The following ALG9 variants were observed in gnomAD, a reference collection of about 807,000 sequenced individuals.
ALG9 encodes ALG9 alpha-1,2-mannosyltransferase.
ALG9 carries 55 observed loss-of-function variants against 81.8 expected under a neutral mutation model. The observed-to-expected ratio is 0.67, with a 90% confidence interval of 0.54 to 0.84. The LOEUF (loss-of-function observed/expected upper bound fraction) is 0.84, where lower values mean the gene tolerates loss of function less well. Among genes scored for constraint, ALG9 ranks in the 40% least tolerant of loss-of-function variants. The pLI is 0.00. For missense variants in ALG9, 629 were observed against 745.0 expected, an observed-to-expected ratio of 0.84 and a Z score of 1.81; for synonymous variants, 278 against 274.3, an observed-to-expected ratio of 1.01 and a Z score of -0.13.
chr11:111,852,086 G>A (rs1957917136), intron 8 of ALG9, among the ~76,000 whole-genome samples: 1 of 151,994 alleles, frequency 6.6e-6, no homozygotes, highest in African/African-American at 2.4e-5. Context: ...CAATCTGTTG[G>A]TTCTATTGGC....
chr11:111,812,704 G>A (rs1950898606), intron 13 of ALG9, among the ~76,000 whole-genome samples: 1 of 152,032 alleles, frequency 6.6e-6, no homozygotes, highest in African/African-American at 2.4e-5. Flanking sequence ...ATCGCCTGAG[G>A]TCAGGAGTTT....
intron 4 of ALG9, among the ~76,000 whole-genome samples, chr11:111,862,558 T>TTCTA: frequency 6.6e-6 from 1 of 152,034 alleles, no homozygotes; most frequent in South Asian, 2.1e-4. Context: ...TCTTAACCTT[T>TTCTA]TCTATATTAC....
intron 9 of ALG9, among the ~76,000 whole-genome samples, chr11:111,841,830 T>A (rs1311262505): frequency 6.6e-6 from 1 of 152,214 alleles, no homozygotes; most frequent in Non-Finnish European, 1.5e-5. Flanking sequence ...CTCTAAGACA[T>A]TATGGGATTT....
intron 9 of ALG9, among the ~76,000 whole-genome samples, chr11:111,843,957 T>C (rs558215903): frequency 5.9e-5 from 9 of 152,218 alleles, no homozygotes; most frequent in Non-Finnish European, 8.8e-5. Flanking sequence ...CCTATCAGGT[T>C]AATATACACT....
In ALG9 at chr11:111,836,259, C is replaced by G. The variant is rs782639398; in HGVS notation, c.1508G>C (p.Gly503Ala). ...QLQFIPSEFR[G>A]QLPKPFAEGP... ...TTCTGCAAAAGGTTTTGGTAACTGACCTCTGAACTCTGATGGAATGAACTG... is the reference window on the plus strand; with the variant it reads ...TTCTGCAAAAGGTTTTGGTAACTGAGCTCTGAACTCTGATGGAATGAACTG... Residue 503 changes from glycine to alanine, a missense_variant, in exon 13 of 15, where the codon GGT (glycine) becomes GCT (alanine). Gly to Ala is a moderately conservative substitution (Grantham distance 60). Around this residue, in one of 3 missense-constraint regions of ALG9, gnomAD observed 264 missense variants for 302.2 expected, o/e 0.87. Coordinates refer to ENST00000616540, the MANE Select transcript of ALG9 (RefSeq NM_024740.2). 16 of 1,613,928 alleles carry G rather than the reference C, an allele frequency of 9.9e-6. No homozygotes were observed. Among genetic ancestry groups the G allele is most frequent in the African/African-American group, 1.3e-5 (1 of 74,892 alleles).
chr11:111,867,052 A>G (rs571963028), intron 3 of ALG9, among the ~76,000 whole-genome samples: 1 of 152,330 alleles, frequency 6.6e-6, no homozygotes, highest in East Asian at 1.9e-4. Flanking sequence ...CCGAGATCAC[A>G]TCACTGCACT....
At chr11:111,852,996 T>C (rs1326191003) in intron 8 of ALG9, among the ~76,000 whole-genome samples, 5 of 149,946 alleles carry the variant, frequency 3.3e-5, no homozygotes, top group Non-Finnish European at 4.4e-5. Context: ...GTAATAGTTA[T>C]ATGGAGATGA....
intron 2 of ALG9, among the ~76,000 whole-genome samples, chr11:111,869,776 C>G (rs1963676699): frequency 6.6e-6 from 1 of 152,162 alleles, no homozygotes; most frequent in Non-Finnish European, 1.5e-5. Context: ...TCGCTTGAGC[C>G]TAGGAGTTAA....
intron 14 of ALG9, among the ~76,000 whole-genome samples, chr11:111,807,435 C>T (rs1369076528): frequency 1.3e-5 from 2 of 152,174 alleles, no homozygotes; most frequent in Admixed American, 1.3e-4. Flanking sequence ...ATCATCTTTT[C>T]ATTGAGGCCG....
At chr11:111,773,992 T>C in the ALG9 span, among the ~76,000 whole-genome samples, 13 of 143,714 alleles carry the variant, frequency 9.0e-5, no homozygotes, top group African/African-American at 3.4e-4. Context: ...CCTGGGCTTG[T>C]CAAGCAATCA....
chr11:111,805,306 G>A (rs1449314731), intron 14 of ALG9: 2 of 456,284 alleles, frequency 4.4e-6, no homozygotes, highest in Non-Finnish European at 8.8e-6. Context: ...TGGTCTTCCA[G>A]CCTTCAAAAC....
At position 111,870,381 on chromosome 11, in the gene ALG9, G is replaced by GAAA; in HGVS notation, c.132-12_132-11insTTT. 1.7e-6 allele frequency: 1 copy of GAAA among 575,886 alleles called. No individual in the cohort carries two copies. 35.7% of individuals were successfully genotyped at this position (575,886 alleles called of 1,614,324 possible). On this transcript the variant is annotated splice_polypyrimidine_tract_variant and intron_variant, in intron 1 of 14. Coordinates refer to ENST00000616540, the MANE Select transcript of ALG9 (RefSeq NM_024740.2). ...TTGTTCCCAGATAACCTGTTCAAAAGCAAAAAAAAAAAAAAAAAAAAAAGC... is the reference window on the plus strand; with the variant it reads ...TTGTTCCCAGATAACCTGTTCAAAAGAAACAAAAAAAAAAAAAAAAAAAAAAGC...
chr11:111,864,349 T>C, intron 4 of ALG9: 1 of 773,716 alleles, frequency 1.3e-6, no homozygotes, highest in Non-Finnish European at 2.4e-6. Flanking sequence ...CCCAGGCAGC[T>C]GCAGACTTCA....
Position 111,837,575 on chromosome 11 carries a change from T to G in ALG9, c.1365A>C (p.Arg455=), listed in dbSNP as rs1057522937. The change falls in exon 12 of 15, where the codon CGA becomes CGC. Residue 455 remains arginine (R), a synonymous_variant. Transcript: ENST00000616540. ...GPLDLYPEFY[R]IATDPTIHTV... ...TGTGGATGGTTGGGTCTGTAGCAAT[T>G]CGGTAAAATTCTGGATACAAATCAA... 11 of 1,614,006 alleles carry G rather than the reference T, an allele frequency of 6.8e-6. No individual in the cohort carries two copies. Among genetic ancestry groups the G allele is most frequent in the Non-Finnish European group, 9.3e-6 (11 of 1,180,006 alleles).
chr11:111,863,376 A>G (rs901457051), intron 4 of ALG9, among the ~76,000 whole-genome samples: 14 of 152,164 alleles, frequency 9.2e-5, no homozygotes, highest in African/African-American at 2.7e-4. Context: ...AAAATATATT[A>G]AAGTAAATTC....
At chr11:111,816,021 C>T (rs938582600) in intron 13 of ALG9, among the ~76,000 whole-genome samples, 3 of 152,236 alleles carry the variant, frequency 2.0e-5, no homozygotes, top group Non-Finnish European at 4.4e-5. Flanking sequence ...AAGCAATGAA[C>T]TAGCAGTATC....
chr11:111,847,821 C>T (rs1159257808), intron 8 of ALG9, among the ~76,000 whole-genome samples: 1 of 152,160 alleles, frequency 6.6e-6, no homozygotes, highest in Non-Finnish European at 1.5e-5. Flanking sequence ...TGCCAGTGTG[C>T]ACGTCACTCT....
At chr11:111,835,704 C>T (rs183905872) in intron 13 of ALG9, among the ~76,000 whole-genome samples, 77 of 152,204 alleles carry the variant, frequency 5.1e-4, no homozygotes, top group African/African-American at 1.7e-3. Flanking sequence ...AAAAGTGATA[C>T]TGTTTACTGT....
intron 14 of ALG9, among the ~76,000 whole-genome samples, chr11:111,789,539 C>T (rs1445044692): frequency 2.6e-5 from 4 of 151,292 alleles, no homozygotes; most frequent in African/African-American, 9.7e-5. Flanking sequence ...CGTACCCAGC[C>T]TATAAAATAA....
Sources: gnomAD v4.1 joint callset for allele counts (sites outside exome capture counted in the v4.1 genomes callset) on GRCh38, gnomAD v4.1.1 for gene constraint, gnomAD v4.1.1 regional missense constraint, MANE v1.5 for transcripts, NCBI Gene and HGNC (gene_info 2026-07-23, HGNC 2026-07-21) for gene names.